CRTAC1: variants seen among roughly 807,000 people sequenced by gnomAD.
CRTAC1 encodes the protein cartilage acidic protein 1.
CRTAC1 carries 37 observed loss-of-function variants against 67.8 expected under a neutral mutation model. That is an observed-to-expected ratio of 0.55 (90% CI 0.42 to 0.72). CRTAC1 has a LOEUF of 0.72. Ranked by LOEUF, CRTAC1 falls within the 30% of genes least tolerant of loss-of-function variation. The pLI is 0.00. For missense variants in CRTAC1, 780 were observed against 931.6 expected (o/e 0.84, Z 2.12); for synonymous variants, 348 against 371.0 (o/e 0.94, Z 0.71).
intron 4 of CRTAC1, among the ~76,000 whole-genome samples, chr10:97,922,745 T>C (rs544147363): frequency 6.6e-6 from 1 of 152,340 alleles, no homozygotes; most frequent in African/African-American, 2.4e-5. Flanking sequence ...GGAGGAGCTA[T>C]TGATGAACTA....
intron 2 of CRTAC1, among the ~76,000 whole-genome samples, chr10:97,958,364 G>A (rs2051473537): frequency 6.6e-6 from 1 of 152,154 alleles, no homozygotes; most frequent in African/African-American, 2.4e-5. Flanking sequence ...GAAGCAGTGG[G>A]GAATGTTAGA....
intron 2 of CRTAC1, among the ~76,000 whole-genome samples, chr10:97,993,689 A>G (rs1842501694): frequency 1.3e-5 from 2 of 152,152 alleles, no homozygotes; most frequent in Admixed American, 1.3e-4. Flanking sequence ...CTTATCTAAA[A>G]TCCTCCATCC....
chr10:97,987,646 C>A (rs1399799008), intron 2 of CRTAC1, among the ~76,000 whole-genome samples: 1 of 152,226 alleles, frequency 6.6e-6, no homozygotes, highest in Non-Finnish European at 1.5e-5. Flanking sequence ...TACTTTCCTA[C>A]AGAAATTCAA....
intron 1 of CRTAC1, among the ~76,000 whole-genome samples, chr10:98,016,710 G>A (rs1170160485): frequency 6.6e-6 from 1 of 152,212 alleles, no homozygotes; most frequent in Admixed American, 6.5e-5. Context: ...AAGCTGCTCA[G>A]ATCATGTTAA....
At chr10:97,989,457 T>C (rs369226127) in intron 2 of CRTAC1, among the ~76,000 whole-genome samples, 7 of 152,360 alleles carry the variant, frequency 4.6e-5, no homozygotes, top group African/African-American at 1.7e-4. Context: ...TGGTATAGCC[T>C]ATTGATCCTA....
At chr10:97,875,384 C>G (rs2050135489) in intron 14 of CRTAC1, among the ~76,000 whole-genome samples, 1 of 152,232 alleles carries the variant, frequency 6.6e-6, no homozygotes, top group African/African-American at 2.4e-5. Flanking sequence ...TCTCTTGCGT[C>G]TCATTTTCCC....
intron 2 of CRTAC1, among the ~76,000 whole-genome samples, chr10:98,009,902 T>C (rs1355614870): frequency 6.6e-6 from 1 of 152,176 alleles, no homozygotes; most frequent in Admixed American, 6.5e-5. Context: ...GCTTACTGCC[T>C]CTGAACCCCA....
chr10:97,979,074 A>T (rs1427620604), intron 2 of CRTAC1, among the ~76,000 whole-genome samples: 1 of 151,968 alleles, frequency 6.6e-6, no homozygotes, highest in African/African-American at 2.4e-5. Context: ...GTCCCCTGAA[A>T]ATGTTATGAT....
At chr10:97,953,405 G>A (rs2051391706) in intron 2 of CRTAC1, among the ~76,000 whole-genome samples, 2 of 152,130 alleles carry the variant, frequency 1.3e-5, no homozygotes, top group Admixed American at 1.3e-4. Flanking sequence ...GCATCAAGGT[G>A]TGATAGCAGC....
chr10:97,974,607 C>T (rs73334616), intron 2 of CRTAC1, among the ~76,000 whole-genome samples: 2,694 of 152,296 alleles, frequency 0.018, 71 homozygotes, highest in African/African-American at 0.061. Flanking sequence ...CTCCGACTCT[C>T]CAGGGCCGTT....
chr10:98,011,625 A>G (rs1842910649), intron 1 of CRTAC1, among the ~76,000 whole-genome samples: 1 of 152,166 alleles, frequency 6.6e-6, no homozygotes, highest in African/African-American at 2.4e-5. Context: ...TTTACTTATG[A>G]TTACACTTAT....
intron 1 of CRTAC1, among the ~76,000 whole-genome samples, chr10:98,018,231 A>AAAAAAAGAG (rs1554936675): frequency 1.4e-5 from 2 of 142,114 alleles, no homozygotes; most frequent in African/African-American, 5.6e-5. Context: ...AAAAAAAAAA[A>AAAAAAAGAG]AGAGAGAGAG....
At chr10:98,021,061 T>G (rs1357392174) in intron 1 of CRTAC1, among the ~76,000 whole-genome samples, 1 of 152,196 alleles carries the variant, frequency 6.6e-6, no homozygotes, top group Admixed American at 6.5e-5. Flanking sequence ...GTGCACCTAC[T>G]CTATGTCAGG....
chr10:97,935,673 A>G (rs2051075445), intron 3 of CRTAC1, among the ~76,000 whole-genome samples: 1 of 152,192 alleles, frequency 6.6e-6, no homozygotes, highest in African/African-American at 2.4e-5. Context: ...CTTAGCAAGA[A>G]TTTGGGGAGT....
intron 2 of CRTAC1, among the ~76,000 whole-genome samples, chr10:97,938,568 G>A (rs541649449): frequency 2.6e-5 from 4 of 152,212 alleles, no homozygotes; most frequent in East Asian, 1.9e-4. Flanking sequence ...TGTTCTTTCC[G>A]TGCTGCCTAT....
At chr10:98,007,755 G>A (rs1036647908) in intron 2 of CRTAC1, among the ~76,000 whole-genome samples, 2 of 152,150 alleles carry the variant, frequency 1.3e-5, no homozygotes, top group Non-Finnish European at 2.9e-5. Flanking sequence ...AAGTCCTATA[G>A]GACCCACATA....
At chr10:97,874,689 T>C (rs932244042) in intron 14 of CRTAC1, among the ~76,000 whole-genome samples, 7 of 152,192 alleles carry the variant, frequency 4.6e-5, no homozygotes, top group Non-Finnish European at 1.0e-4. Flanking sequence ...AGGCACCATG[T>C]CAAGTCTAAT....
chr10:97,981,660 G>C (rs2051893730), intron 2 of CRTAC1, among the ~76,000 whole-genome samples: 1 of 152,156 alleles, frequency 6.6e-6, no homozygotes, highest in African/African-American at 2.4e-5. Flanking sequence ...TATAGAAGTA[G>C]AATTACAGAG....
rs753266188 is a variant in CRTAC1, at chr10:97,895,316, G to A, written c.1415C>T (p.Ala472Val). 6.2e-7 allele frequency: 1 copy of A among 1,613,806 alleles called. No individual in the cohort carries two copies. The highest frequency in any genetic ancestry group is 1.1e-5 in the South Asian group (1 of 91,054). The change falls in exon 11 of 15, where the codon GCC becomes GTC. Residue 472 changes from alanine to valine, a missense_variant. Coordinates refer to ENST00000370597, the MANE Select transcript of CRTAC1 (RefSeq NM_018058.7). This position sits in a 1 kb window ranked among gnomAD's most constrained non-coding sequence, Gnocchi z 4.2. ...GCCCCCGTCGATGATCCTCAGGTGG[G>A]CCCCACTCTTCTTGGTGTAGAGCAC... ...KVVLYTKKSG[A>V]HLRIIDGGSG...
Sources: gnomAD v4.1 joint callset for allele counts (sites outside exome capture counted in the v4.1 genomes callset) on GRCh38, gnomAD v4.1.1 for gene constraint, Gnocchi (gnomAD v3.1) non-coding constraint, MANE v1.5 for transcripts, NCBI Gene and HGNC (gene_info 2026-07-23, HGNC 2026-07-21) for gene names.